Variants in ZSWIM8 observed in about 807,000 individuals in gnomAD.
ZSWIM8 encodes zinc finger SWIM-type containing 8.
Under a neutral mutation model 173.7 loss-of-function variants are expected in ZSWIM8, and 27 were observed. The observed-to-expected ratio is 0.16, with a 90% CI of 0.11 to 0.21. The LOEUF (loss-of-function observed/expected upper bound fraction) is 0.21, where lower values mean the gene tolerates loss of function less well. Among genes scored for constraint, ZSWIM8 ranks in the 10% least tolerant of loss-of-function variants. ZSWIM8 has a pLI of 1.00. For missense variants in ZSWIM8, 1,627 were observed against 2,428.8 expected (o/e 0.67, Z 6.94); for synonymous variants, 958 against 962.0 (o/e 1.00, Z 0.08).
intron 13 of ZSWIM8, 21 bp from the exon 14 acceptor site, chr10:73,794,520 C>G (rs2083539550): frequency 6.4e-7 from 1 of 1,563,752 alleles, no homozygotes; most frequent in Non-Finnish European, 8.7e-7. Flanking sequence ...GTCTGCCTGA[C>G]TTACCCCAAC....
Position 73,797,541 on chromosome 10 carries a change from TCCAGTGGAAGTCGCCGGGCCAGTG to T in ZSWIM8, c.3607_3630del (p.Ser1203_Gly1210del). 6.2e-7 allele frequency: 1 copy of T among 1,613,924 alleles called. No homozygotes were observed. Among genetic ancestry groups the T allele is most frequent in the Non-Finnish European group, 8.5e-7 (1 of 1,179,858 alleles). ...TTCGGACTCCCTGGGCTCCTCATCC[TCCAGTGGAAGTCGCCGGGCCAGTG>T]CCAGTGGAGGAGCCCGGGCGAAGAC... On this transcript the variant is annotated inframe_deletion, in exon 18 of 26. Transcript: ENST00000604729. The surrounding 1 kb of genome is among the most constrained non-coding windows in gnomAD (Gnocchi z 5.6).
intron 21 of ZSWIM8, 87 bp downstream of exon 21, chr10:73,799,577 T>G: frequency 1.3e-6 from 2 of 1,537,048 alleles, no homozygotes. Context: ...GGGAGTATAA[T>G]TGGTCAGTCG....
intron 14 of ZSWIM8, 73 bp downstream of exon 14, chr10:73,794,712 G>A: frequency 7.5e-7 from 1 of 1,340,834 alleles, no homozygotes; most frequent in East Asian, 2.5e-5. Flanking sequence ...GCCTTGTTGT[G>A]AAGGGCTGTA....
chr10:73,786,171 A>AC, intron 1 of ZSWIM8, 85 bp downstream of exon 1: 1 of 1,343,946 alleles, frequency 7.4e-7, no homozygotes, highest in Non-Finnish European at 9.8e-7. Flanking sequence ...GCTGTCCCCG[A>AC]CCAAGAGCTC....
Position 73,792,816 on chromosome 10 carries a change from T to G in ZSWIM8, c.2277T>G (p.Ala759=). 1 of 1,592,338 alleles carries G rather than the reference T, an allele frequency of 6.3e-7. No individual in the cohort carries two copies. ...GGAGEEHDLF[A]GLKPLEQESR... ...CTGGGGAGGAGCACGACCTGTTTGCTGGGCTGAAGCCACTGGAACAGGAGA... is the reference window on the plus strand; with the variant it reads ...CTGGGGAGGAGCACGACCTGTTTGCGGGGCTGAAGCCACTGGAACAGGAGA... The change falls in exon 10 of 26, where the codon GCT becomes GCG. Residue 759 remains alanine (A), a synonymous_variant. Transcript: ENST00000604729. The surrounding 1 kb of genome is among the most constrained non-coding windows in gnomAD (Gnocchi z 4.3).
intron 1 of ZSWIM8, 149 bp from the exon 2 acceptor site, chr10:73,788,521 G>A (rs564369080): frequency 2.0e-6 from 2 of 976,700 alleles, no homozygotes; most frequent in East Asian, 2.6e-5. Context: ...TATCCTGATA[G>A]GGGGATCCCT....
rs1033995781 is a variant in ZSWIM8 at position 73,791,560 on chromosome 10, C to T, written c.1319+61C>T. 3 of 1,458,708 alleles carry T rather than the reference C, an allele frequency of 2.1e-6. No homozygotes were observed. Among genetic ancestry groups the T allele is most frequent in the Middle Eastern group, 2.4e-4 (1 of 4,204 alleles). 90.4% of individuals were successfully genotyped at this position (1,458,708 alleles called of 1,614,324 possible). A position where few individuals can be genotyped will look rare whatever the true frequency, so the allele number is the denominator to read the frequency against. The stretch of plus-strand genomic sequence containing the variant: ...CTGGGCCAGCTCAGGACAGACTGAG[C>T]CTTCATCTCCTTGTTTGCAGAGACA... On this transcript the variant is annotated intron_variant, in intron 9 of 25. Transcript: ENST00000604729. This position sits in a 1 kb window ranked among gnomAD's most constrained non-coding sequence, Gnocchi z 6.0.
chr10:73,786,422 TAGAG>T (rs1260435973), intron 1 of ZSWIM8: 9 of 280,248 alleles, frequency 3.2e-5, no homozygotes, highest in African/African-American at 1.7e-4. Flanking sequence ...TCCTTTGCCT[TAGAG>T]AGGGGATAAG....
rs747263156 is a variant in ZSWIM8 at position 73,792,500 on chromosome 10, G to A, written c.1961G>A (p.Arg654Gln). Residue 654 changes from arginine to glutamine, a missense_variant, in exon 10 of 26, where the codon CGA becomes CAA. Transcript: ENST00000604729. This position sits in a 1 kb window ranked among gnomAD's most constrained non-coding sequence, Gnocchi z 4.3. ...CCCTGTCCTCTCCACGGTGGCTCCC[G>A]AGGCCCTTCCACTTTCCTTCCTGAG... Reference protein sequence around the residue: ...PPPCPLHGGSRGPSTFLPEPP... With the variant: ...PPPCPLHGGSQGPSTFLPEPP... 18 of 1,613,402 alleles carry A rather than the reference G, an allele frequency of 1.1e-5. No individual in the cohort carries two copies. Among genetic ancestry groups the A allele is most frequent in the East Asian group, 2.2e-5 (1 of 44,862 alleles).
rs3829128 is a variant in ZSWIM8, at chr10:73,789,588, C to T, written c.630+49C>T. On this transcript the variant is annotated intron_variant, in intron 4 of 25. Transcript: ENST00000604729. This position sits in a 1 kb window ranked among gnomAD's most constrained non-coding sequence, Gnocchi z 6.8. Reference sequence around the variant, plus strand: ...GGCCCTATCCTACACTCCATCCCCCCCTTCTCTGCTGCATGCCTGGCTACA... The same window carrying T: ...GGCCCTATCCTACACTCCATCCCCCTCTTCTCTGCTGCATGCCTGGCTACA... 369 of 1,590,520 alleles carry T rather than the reference C, an allele frequency of 2.3e-4. No homozygotes were observed. Among genetic ancestry groups the T allele is most frequent in the Non-Finnish European group, 3.0e-4 (353 of 1,168,332 alleles).
Position 73,788,822 on chromosome 10 carries a change from C to T in ZSWIM8, c.361C>T (p.Arg121Trp), listed in dbSNP as rs2083311224. 1.2e-6 allele frequency: 2 copies of T among 1,613,248 alleles called. No homozygotes were observed. The highest frequency in any genetic ancestry group is 1.3e-5 in the African/African-American group (1 of 74,918). ...CTTCCCTGAGAATGAAGAGGACATT[C>T]GGTGAGGCCAAAGGACTGATGGTGG... ...WSFPENEEDI[R>W]LYSCLANGSA... Residue 121 changes from arginine (R) to tryptophan (W), a missense_variant and splice_region_variant, in exon 2 of 26, where the codon CGG (arginine) becomes TGG (tryptophan). Physicochemically the swap from Arg to Trp is moderately radical, Grantham distance 101. This residue lies in a region of ZSWIM8 where 29 missense variants were observed against 108.2 expected (regional missense o/e 0.27). Coordinates refer to ENST00000604729, the MANE Select transcript of ZSWIM8 (RefSeq NM_001367799.1).
chr10:73,788,963 TC>T (rs2083315728), intron 2 of ZSWIM8, 132 bp from the exon 3 acceptor site: 1 of 962,804 alleles, frequency 1.0e-6, no homozygotes, highest in South Asian at 1.4e-5. Context: ...GGGATTCCAC[TC>T]CCTCCCCCCC....
At chr10:73,799,652 C>T (rs571427316) in intron 21 of ZSWIM8, 162 bp downstream of exon 21, 12 of 1,009,954 alleles carry the variant, frequency 1.2e-5, no homozygotes, top group East Asian at 1.0e-4. Flanking sequence ...AAATGACGGC[C>T]GGGCATGGTG....
Position 73,785,980 on chromosome 10 carries a change from C to G in ZSWIM8, c.102C>G (p.Ala34=). 6.3e-7 allele frequency: 1 copy of G among 1,597,166 alleles called. No homozygotes were observed. Among genetic ancestry groups the G allele is most frequent in the Non-Finnish European group, 8.5e-7 (1 of 1,172,134 alleles). ...CACTCTGTTCCTTCATCTCCGAGGC[C>G]GAGAGCCTCTGCCAGAACTGGCGGG... ...EDSLCSFISE[A]ESLCQNWRGW... Residue 34 remains alanine (A), a synonymous_variant, in exon 1 of 26, where the codon GCC becomes GCG. Coordinates refer to ENST00000604729, the MANE Select transcript of ZSWIM8 (RefSeq NM_001367799.1).
chr10:73,799,623 C>A, intron 21 of ZSWIM8, 133 bp downstream of exon 21: 2 of 1,267,458 alleles, frequency 1.6e-6, no homozygotes, highest in South Asian at 2.7e-5. Context: ...TCTGGGGGAC[C>A]CAGCCCAACT....
chr10:73,795,981 AAAAGG>A, intron 15 of ZSWIM8, among the ~76,000 whole-genome samples: 1 of 149,272 alleles, frequency 6.7e-6, no homozygotes, highest in Non-Finnish European at 1.5e-5. Context: ...AAAAAAAAAA[AAAAGG>A]CAAGGTACTG....
chr10:73,794,702 G>C (rs2083549060), intron 14 of ZSWIM8, 63 bp downstream of exon 14: 6 of 1,412,516 alleles, frequency 4.2e-6, no homozygotes, highest in Non-Finnish European at 5.9e-6. Context: ...TGAGACCTGT[G>C]CCTTGTTGTG....
rs970812890 is a variant in ZSWIM8, at chr10:73,793,982, T to C, written c.2563T>C (p.Phe855Leu). The C allele has an allele frequency of 3.1e-6, 5 of 1,613,384 alleles. No homozygotes were observed. The highest frequency in any genetic ancestry group is 4.2e-6 in the Non-Finnish European group (5 of 1,179,682). The change falls in exon 12 of 26, where the codon TTC becomes CTC. Residue 855 changes from phenylalanine to leucine, a missense_variant. This residue lies in a region of ZSWIM8 where 169 missense variants were observed against 235.3 expected (regional missense o/e 0.72). Coordinates refer to ENST00000604729, the MANE Select transcript of ZSWIM8 (RefSeq NM_001367799.1). ...SERPEHHNLA[F>L]RVGMFALELQ... ...GCGTCCAGAGCACCACAACCTGGCC[T>C]TCCGAGTTGGCATGTTTGCCTTGGA...
rs1216535645 is a variant in ZSWIM8, at chr10:73,800,302, G to C, written c.4832G>C (p.Ser1611Thr). The C allele has an allele frequency of 6.2e-7, 1 of 1,613,708 alleles. No homozygotes were observed. The highest frequency in any genetic ancestry group is 1.3e-5 in the African/African-American group (1 of 74,908). The change falls in exon 23 of 26, where the codon AGT becomes ACT. Residue 1611 changes from serine (S) to threonine (T), a missense_variant. By Grantham distance (58) the Ser-to-Thr change is moderately conservative. Around this residue, in one of 18 missense-constraint regions of ZSWIM8, gnomAD observed 275 missense variants for 290.1 expected, o/e 0.95. Coordinates refer to ENST00000604729, the MANE Select transcript of ZSWIM8 (RefSeq NM_001367799.1). This position sits in a 1 kb window ranked among gnomAD's most constrained non-coding sequence, Gnocchi z 4.1. ...LPLPTSVALSSVHPASTFPAI... is the reference protein window; with the variant it reads ...LPLPTSVALSTVHPASTFPAI... ...TGGCTCTCACCCCACTTAGTGAGCA[G>C]TGTCCATCCAGCATCCACGTTTCCA... is the stretch of plus-strand genomic sequence containing the variant.
Sources: allele counts gnomAD v4.1 joint callset (sites outside exome capture counted in the v4.1 genomes callset), GRCh38; gene constraint gnomAD v4.1.1; regional missense constraint gnomAD v4.1.1; non-coding constraint Gnocchi (gnomAD v3.1); transcripts MANE v1.5; gene names NCBI Gene and HGNC (gene_info 2026-07-23, HGNC 2026-07-21).